CNBD1: variants seen among roughly 807,000 people sequenced by gnomAD.
The protein encoded by CNBD1 is cyclic nucleotide-binding domain-containing protein 1.
In CNBD1, 71 loss-of-function variants were observed where a neutral mutation model predicts 54.4. The observed-to-expected ratio is 1.30, with a 90% CI of 1.08 to 1.59. The LOEUF is 1.59. Among genes scored for constraint, CNBD1 ranks in the 40% most tolerant of loss-of-function variants. The pLI is 0.00. For synonymous variants in CNBD1, 182 were observed against 170.7 expected (o/e 1.07, Z -0.51); for missense variants, 659 against 518.0 (o/e 1.27, Z -2.64).
At chr8:87,297,163 CAAAAAAAAAAAAAA>C (rs555582073) in intron 8 of CNBD1, among the ~76,000 whole-genome samples, 6 of 88,734 alleles carry the variant, frequency 6.8e-5, no homozygotes, top group East Asian at 8.7e-4. Flanking sequence ...GGGTCCGTCT[CAAAAAAAAAAAAAA>C]AAAAAAAAGG....
At chr8:87,243,264 G>A (rs1196934793) in intron 6 of CNBD1, among the ~76,000 whole-genome samples, 1 of 152,194 alleles carries the variant, frequency 6.6e-6, no homozygotes, top group Non-Finnish European at 1.5e-5. Flanking sequence ...TCGTAAAGCA[G>A]TTGAATAGCA....
intron 4 of CNBD1, among the ~76,000 whole-genome samples, chr8:87,076,261 A>C (rs370577829): frequency 3.9e-5 from 6 of 152,196 alleles, no homozygotes; most frequent in African/African-American, 1.4e-4. Context: ...CAGAGTGTTG[A>C]TACCATAATG....
rs1810260911 is a variant in CNBD1, at chr8:87,049,141, C to T, written c.431+109387C>T. Among the ~76,000 whole-genome samples the T allele has an allele frequency of 2.0e-5, 3 of 152,164 alleles. No individual in the cohort carries two copies. The South Asian group carries it at 6.2e-4, about 32-fold the overall frequency. The stretch of plus-strand genomic sequence containing the variant: ...CAGGGGTCTCAAATGTGTCAGATCT[C>T]CTGGGTCTTTTTGCTGCTGATTTGG... On this transcript the variant is annotated intron_variant, in intron 4 of 10. Transcript: ENST00000518476.
chr8:87,365,289 T>C (rs924336275), intron 10 of CNBD1, among the ~76,000 whole-genome samples: 1 of 152,096 alleles, frequency 6.6e-6, no homozygotes. Flanking sequence ...ATATGCTTGT[T>C]GGCCGTGTGT....
chr8:87,303,759 G>A lies in CNBD1; in HGVS notation c.1042+17088G>A, dbSNP rs543744411. Among the ~76,000 whole-genome samples, 69 of 135,894 alleles carry A rather than the reference G, an allele frequency of 5.1e-4. 2 individuals carry two copies. In the South Asian group the frequency reaches 0.011, roughly 22 times the overall value. 89.2% of individuals were successfully genotyped at this position (135,894 alleles called of 152,430 possible). ...TGATCTGACAAAGAGCTAATATCCA[G>A]AATCTACAATGAACTCAAACAAATT... On this transcript the variant is annotated intron_variant, in intron 8 of 10. Transcript: ENST00000518476.
intron 3 of CNBD1, among the ~76,000 whole-genome samples, chr8:86,922,100 A>G (rs1809283965): frequency 6.6e-6 from 1 of 152,148 alleles, no homozygotes; most frequent in Admixed American, 6.5e-5. Flanking sequence ...AAGAAGAGAA[A>G]GATTATCTGA....
chr8:86,923,166 T>C (rs1809302752), intron 3 of CNBD1, among the ~76,000 whole-genome samples: 1 of 151,832 alleles, frequency 6.6e-6, no homozygotes, highest in South Asian at 2.1e-4. Context: ...AGGGTGGGAG[T>C]GGACCCGAGC....
intron 6 of CNBD1, among the ~76,000 whole-genome samples, chr8:87,267,484 C>T (rs1190676307): frequency 2.0e-5 from 3 of 152,078 alleles, no homozygotes; most frequent in Non-Finnish European, 4.4e-5. Flanking sequence ...GTATTAGATG[C>T]TCTAGTGCTA....
intron 2 of CNBD1, among the ~76,000 whole-genome samples, chr8:87,425,380 A>G (rs1808027269): frequency 6.6e-6 from 1 of 152,070 alleles, no homozygotes; most frequent in African/African-American, 2.4e-5. Flanking sequence ...GTTCCTTTGG[A>G]GGAGGAGAGG....
chr8:87,399,504 G>A (rs996691262), intron 2 of CNBD1, among the ~76,000 whole-genome samples: 1 of 151,982 alleles, frequency 6.6e-6, no homozygotes, highest in African/African-American at 2.4e-5. Context: ...GAGACTACTA[G>A]ATTTCAAATC....
At chr8:86,959,095 C>T (rs1360387957) in intron 4 of CNBD1, among the ~76,000 whole-genome samples, 1 of 152,116 alleles carries the variant, frequency 6.6e-6, no homozygotes, top group Admixed American at 6.5e-5. Flanking sequence ...TTTTATTTCT[C>T]CTTCACTTAT....
At chr8:87,240,864 T>A (rs1393047525) in intron 6 of CNBD1, among the ~76,000 whole-genome samples, 1 of 152,110 alleles carries the variant, frequency 6.6e-6, no homozygotes, top group Non-Finnish European at 1.5e-5. Context: ...ATCCCTGGCT[T>A]CAGGCAGTGA....
chr8:87,338,476 T>C (rs1809999571), intron 8 of CNBD1, among the ~76,000 whole-genome samples: 1 of 151,664 alleles, frequency 6.6e-6, no homozygotes, highest in Non-Finnish European at 1.5e-5. Context: ...GTTGTTGTTG[T>C]TGTTTTGTTT....
chr8:87,270,363 A>C (rs1179057316), intron 6 of CNBD1, among the ~76,000 whole-genome samples: 1 of 151,988 alleles, frequency 6.6e-6, no homozygotes, highest in Non-Finnish European at 1.5e-5. Flanking sequence ...TATGAAAAAA[A>C]ACTCAACATT....
intron 8 of CNBD1, among the ~76,000 whole-genome samples, chr8:87,307,117 G>A (rs1267989532): frequency 1.3e-5 from 2 of 152,074 alleles, no homozygotes; most frequent in African/African-American, 4.8e-5. Flanking sequence ...TCAATGTTTA[G>A]ATCTTTCTAA....
intron 4 of CNBD1, among the ~76,000 whole-genome samples, chr8:87,186,304 A>G (rs1444495692): frequency 6.6e-6 from 1 of 152,108 alleles, no homozygotes; most frequent in Non-Finnish European, 1.5e-5. Context: ...TCATCTCAAT[A>G]AATTCTGCAT....
chr8:87,160,111 G>A (rs1812824346), intron 4 of CNBD1, among the ~76,000 whole-genome samples: 2 of 151,788 alleles, frequency 1.3e-5, no homozygotes, highest in African/African-American at 4.8e-5. Flanking sequence ...TTAATATTTG[G>A]AAGATGATTA....
chr8:87,395,841 C>A (rs114889471), intron 2 of CNBD1, among the ~76,000 whole-genome samples: 204 of 151,992 alleles, frequency 1.3e-3, no homozygotes, highest in African/African-American at 4.6e-3. Flanking sequence ...TGGATTCATA[C>A]TGTCAGCGTT....
intron 2 of CNBD1, among the ~76,000 whole-genome samples, chr8:87,391,811 C>G (rs755613776): frequency 1.3e-5 from 2 of 151,776 alleles, no homozygotes; most frequent in African/African-American, 4.8e-5. Context: ...AAAAGCCCAA[C>G]CAAAAAATGA....
Sources: allele counts gnomAD v4.1 joint callset (sites outside exome capture counted in the v4.1 genomes callset), GRCh38; gene constraint gnomAD v4.1.1; transcripts MANE v1.5; gene names NCBI Gene and HGNC (gene_info 2026-07-23, HGNC 2026-07-21).